Variants in SLC16A9 observed in about 807,000 individuals in gnomAD.
SLC16A9 encodes the protein solute carrier family 16 member 9.
In SLC16A9, 26 loss-of-function variants were observed where a neutral mutation model predicts 44.3. The observed-to-expected ratio is 0.59, with a 90% CI of 0.43 to 0.81. The LOEUF is 0.81. Ranked by LOEUF, SLC16A9 falls within the 40% of genes least tolerant of loss-of-function variation. SLC16A9 has a pLI of 0.00. For synonymous variants in SLC16A9, 230 were observed against 225.1 expected (o/e 1.02, Z -0.19); for missense variants, 559 against 595.8 (o/e 0.94, Z 0.64).
At chr10:59,673,239 C>T (rs1182081022) in intron 2 of SLC16A9, among the ~76,000 whole-genome samples, 1 of 152,112 alleles carries the variant, frequency 6.6e-6, no homozygotes, top group Non-Finnish European at 1.5e-5. Flanking sequence ...TCTTGGGCAA[C>T]TTATTTGATC....
At chr10:59,666,220 A>T (rs1839612522) in intron 3 of SLC16A9, among the ~76,000 whole-genome samples, 1 of 151,002 alleles carries the variant, frequency 6.6e-6, no homozygotes, top group African/African-American at 2.4e-5. Flanking sequence ...AATCACTTGA[A>T]CCCTGGAGGT....
At chr10:59,667,086 T>C (rs747225264) in intron 3 of SLC16A9, among the ~76,000 whole-genome samples, 2 of 152,192 alleles carry the variant, frequency 1.3e-5, no homozygotes, top group Non-Finnish European at 2.9e-5. Flanking sequence ...TGCATGAAGC[T>C]ACAAAATTAA....
chr10:59,655,544 G>A (rs988530714), intron 4 of SLC16A9, among the ~76,000 whole-genome samples: 10 of 136,552 alleles, frequency 7.3e-5, no homozygotes, highest in African/African-American at 2.0e-4. Flanking sequence ...GAGAAAAGTA[G>A]AATTTTTTTA....
In SLC16A9 at chr10:59,685,826, T is replaced by C. The variant is rs1031349803; in HGVS notation, c.-36-1499A>G. Among the ~76,000 whole-genome samples the C allele has an allele frequency of 3.9e-5, 6 of 152,360 alleles. 1 individual carries two copies. In the South Asian group the frequency reaches 1.2e-3, roughly 32 times the overall value. ...TGAAAAAGCTGAGTTGGGAGGATCA[T>C]TGAGGCCAGGTATTACCAAATTAAG... On this transcript the variant is annotated intron_variant, in intron 1 of 5. Transcript: ENST00000395348.
intron 5 of SLC16A9, among the ~76,000 whole-genome samples, chr10:59,653,416 A>C (rs560855424): frequency 9.6e-6 from 1 of 104,398 alleles, no homozygotes; most frequent in South Asian, 3.8e-4. Flanking sequence ...ACAGTGCAAA[A>C]CTCCGTCTCA....
In SLC16A9 at chr10:59,684,377, C is replaced by T. The variant is rs373662003; in HGVS notation, c.-36-50G>A. On this transcript the variant is annotated intron_variant, in intron 1 of 5. Coordinates refer to ENST00000395348, the MANE Select transcript of SLC16A9 (RefSeq NM_194298.3). ...GAATCTTATTTAGAGTGTGGTAGGGCACAGCGCTTGGGGTAAAAATATCTC... is the reference window on the plus strand; with the variant it reads ...GAATCTTATTTAGAGTGTGGTAGGGTACAGCGCTTGGGGTAAAAATATCTC... 72 of 1,080,072 alleles carry T rather than the reference C, an allele frequency of 6.7e-5. 2 individuals carry two copies. The East Asian group carries it at 7.7e-4, about 11-fold the overall frequency. The allele number at this position is 1,080,072 out of a possible 1,614,324, so 66.9% of individuals were successfully genotyped here.
rs1377838828 is a variant in SLC16A9, at chr10:59,652,367, T to A, written c.*405A>T. The stretch of plus-strand genomic sequence containing the variant: ...TATTTCCTAGTGGGCTTCACACATA[T>A]CTTATCATGATGCTTGCATCACTTT... On this transcript the variant is annotated 3_prime_UTR_variant, in exon 6 of 6. Transcript: ENST00000395348. The A allele has an allele frequency of 1.3e-5, 2 of 154,048 alleles. No homozygotes were observed. Among genetic ancestry groups the A allele is most frequent in the Non-Finnish European group, 2.9e-5 (2 of 69,398 alleles). 9.5% of individuals were successfully genotyped at this position (154,048 alleles called of 1,614,324 possible). A position where few individuals can be genotyped will look rare whatever the true frequency, so the allele number is the denominator to read the frequency against.
intron 1 of SLC16A9, among the ~76,000 whole-genome samples, chr10:59,702,627 A>G (rs1212682030): frequency 6.6e-6 from 1 of 152,248 alleles, no homozygotes; most frequent in African/African-American, 2.4e-5. Flanking sequence ...TTGTTTGTAG[A>G]ATAGCTCATT....
chr10:59,651,327 G>A lies in SLC16A9; in HGVS notation c.*1445C>T, dbSNP rs2132382139. The A allele has an allele frequency of 6.6e-6, 1 of 152,242 alleles. No homozygotes were observed. Among genetic ancestry groups the A allele is most frequent in the Admixed American group, 6.5e-5 (1 of 15,294 alleles). 9.4% of individuals were successfully genotyped at this position (152,242 alleles called of 1,614,324 possible). On this transcript the variant is annotated 3_prime_UTR_variant, in exon 6 of 6. Coordinates refer to ENST00000395348, the MANE Select transcript of SLC16A9 (RefSeq NM_194298.3). ...AGATGATTTTGGCACAATGGGAAGG[G>A]TGCCTCCTATTTAAAGAACACTTGG...
chr10:59,698,403 C>T (rs1388850566), intron 1 of SLC16A9, among the ~76,000 whole-genome samples: 4 of 152,320 alleles, frequency 2.6e-5, no homozygotes, highest in East Asian at 1.9e-4. Context: ...ATTAACCCCA[C>T]ACTTTAACGT....
chr10:59,655,480 T>C (rs964881994), intron 4 of SLC16A9, among the ~76,000 whole-genome samples: 4 of 152,232 alleles, frequency 2.6e-5, no homozygotes, highest in Non-Finnish European at 5.9e-5. Flanking sequence ...TTCAAATCCA[T>C]TGCTGAATCA....
chr10:59,706,654 A>ACACACACACACACACAC (rs1554875735), intron 1 of SLC16A9, among the ~76,000 whole-genome samples: 1 of 25,088 alleles, frequency 4.0e-5, no homozygotes, highest in Non-Finnish European at 8.7e-5. Flanking sequence ...CACACACACA[A>ACACACACACACACACAC]TAGGAGACTA....
At chr10:59,689,795 G>A (rs1253924604) in intron 1 of SLC16A9, among the ~76,000 whole-genome samples, 1 of 152,002 alleles carries the variant, frequency 6.6e-6, no homozygotes, top group Non-Finnish European at 1.5e-5. Flanking sequence ...GTTCCATTTG[G>A]GACAAAGGTA....
chr10:59,667,700 A>G (rs1013971278), intron 3 of SLC16A9, among the ~76,000 whole-genome samples: 3 of 152,178 alleles, frequency 2.0e-5, no homozygotes, highest in Non-Finnish European at 4.4e-5. Flanking sequence ...ACTGCCTTAA[A>G]GCATTCCTTG....
intron 2 of SLC16A9, among the ~76,000 whole-genome samples, chr10:59,681,283 A>T (rs1235650695): frequency 6.6e-6 from 1 of 151,822 alleles, no homozygotes; most frequent in East Asian, 1.9e-4. Context: ...TACTATATAA[A>T]CACTGTTTCA....
intron 2 of SLC16A9, among the ~76,000 whole-genome samples, chr10:59,681,317 A>G (rs1365278783): frequency 6.6e-6 from 1 of 151,794 alleles, no homozygotes; most frequent in African/African-American, 2.4e-5. Context: ...AATTTATGCT[A>G]TGAGGAACCC....
chr10:59,698,730 CTCTT>C (rs1293346756), intron 1 of SLC16A9, among the ~76,000 whole-genome samples: 1 of 151,672 alleles, frequency 6.6e-6, no homozygotes, highest in Middle Eastern at 3.2e-3. Context: ...CACTTTGTCT[CTCTT>C]TTTTTTTTTT....
At chr10:59,660,268 T>C (rs987520572) in intron 4 of SLC16A9, among the ~76,000 whole-genome samples, 3 of 151,482 alleles carry the variant, frequency 2.0e-5, no homozygotes, top group African/African-American at 7.3e-5. Context: ...GACTAATAAG[T>C]AAGAAAAGAG....
chr10:59,686,841 G>A (rs1395391862), intron 1 of SLC16A9, among the ~76,000 whole-genome samples: 1 of 152,140 alleles, frequency 6.6e-6, no homozygotes, highest in East Asian at 1.9e-4. Context: ...ACAATGAGAT[G>A]AAAACATCTT....
Sources: gnomAD v4.1 joint callset for allele counts (sites outside exome capture counted in the v4.1 genomes callset) on GRCh38, gnomAD v4.1.1 for gene constraint, MANE v1.5 for transcripts, NCBI Gene and HGNC (gene_info 2026-07-23, HGNC 2026-07-21) for gene names.